GRM8: variants seen among roughly 807,000 people sequenced by gnomAD.
GRM8 encodes the protein metabotropic glutamate receptor 8.
GRM8 carries 47 observed loss-of-function variants against 87.2 expected under a neutral mutation model. That is an observed-to-expected ratio of 0.54 (90% CI 0.43 to 0.69). The LOEUF (loss-of-function observed/expected upper bound fraction) is 0.69, where lower values mean the gene tolerates loss of function less well. Ranked by LOEUF, GRM8 falls within the 30% of genes least tolerant of loss-of-function variation. GRM8 has a pLI of 0.00. For synonymous variants in GRM8, 396 were observed against 404.5 expected (o/e 0.98, Z 0.25); for missense variants, 1,019 against 1,139.2 (o/e 0.89, Z 1.52).
At chr7:127,196,715 G>A (rs1795297871) in intron 2 of GRM8, among the ~76,000 whole-genome samples, 1 of 152,152 alleles carries the variant, frequency 6.6e-6, no homozygotes, top group Non-Finnish European at 1.5e-5. Flanking sequence ...CTTGAGCAAG[G>A]CTGCCTGAGT....
intron 3 of GRM8, among the ~76,000 whole-genome samples, chr7:127,038,999 T>C (rs1818104476): frequency 6.6e-6 from 1 of 152,196 alleles, no homozygotes. Flanking sequence ...CACCCCACAG[T>C]TGTCTCTGAG....
intron 3 of GRM8, among the ~76,000 whole-genome samples, chr7:126,932,708 G>A (rs867624843): frequency 2.0e-5 from 3 of 152,160 alleles, no homozygotes; most frequent in Non-Finnish European, 2.9e-5. Context: ...TTCTTGGAGA[G>A]GTTCAGGTCT....
At chr7:127,181,606 C>T (rs138855911) in intron 2 of GRM8, among the ~76,000 whole-genome samples, 2,533 of 152,092 alleles carry the variant, frequency 0.017, 30 homozygotes, top group Middle Eastern at 0.041. Context: ...TACTATAAGG[C>T]CATAGTCACC....
intron 1 of GRM8, chr7:127,251,330 A>G (rs1177437482): frequency 6.6e-6 from 1 of 152,164 alleles, no homozygotes; most frequent in Non-Finnish European, 1.5e-5. Flanking sequence ...TGTCAGACGA[A>G]GGGAATTTTT....
intron 2 of GRM8, among the ~76,000 whole-genome samples, chr7:127,160,278 C>A (rs1793014741): frequency 6.6e-6 from 1 of 152,144 alleles, no homozygotes. Context: ...GGAGTGGAAA[C>A]CTGCCAACGG....
rs374281754 is a variant in GRM8, at chr7:126,530,035, G to C, written c.2430+2917C>G. Among the ~76,000 whole-genome samples, 32 of 152,206 alleles carry C rather than the reference G, an allele frequency of 2.1e-4. No individual in the cohort carries two copies. In the East Asian group the frequency reaches 2.1e-3, roughly 10 times the overall value. On this transcript the variant is annotated intron_variant, in intron 9 of 10. Transcript: ENST00000339582. ...CAAAATGATTCATTCAAAAACAGAGGACAAAGGAATGTGGGGAAGTTAAAT... is the reference window on the plus strand; with the variant it reads ...CAAAATGATTCATTCAAAAACAGAGCACAAAGGAATGTGGGGAAGTTAAAT...
chr7:126,654,076 T>C (rs1177788478), intron 7 of GRM8, among the ~76,000 whole-genome samples: 1 of 152,200 alleles, frequency 6.6e-6, no homozygotes, highest in Non-Finnish European at 1.5e-5. Context: ...AGAATTCAAG[T>C]GAACTCTCTA....
intron 3 of GRM8, among the ~76,000 whole-genome samples, chr7:127,089,955 A>G (rs1823887665): frequency 6.6e-6 from 1 of 152,204 alleles, no homozygotes; most frequent in Non-Finnish European, 1.5e-5. Flanking sequence ...TAAGGGCTCC[A>G]GGACACAAAC....
At chr7:126,498,085 A>G (rs999963625) in intron 9 of GRM8, among the ~76,000 whole-genome samples, 14 of 152,092 alleles carry the variant, frequency 9.2e-5, no homozygotes, top group African/African-American at 3.4e-4. Context: ...CTCAGACACA[A>G]GTCTCCAAGG....
At chr7:127,216,505 G>A (rs915049100) in intron 2 of GRM8, among the ~76,000 whole-genome samples, 10 of 122,516 alleles carry the variant, frequency 8.2e-5, no homozygotes, top group East Asian at 2.4e-4. Flanking sequence ...GCGACAGAGC[G>A]AGACTCCGTC....
At chr7:126,551,244 C>A (rs183494551) in intron 8 of GRM8, among the ~76,000 whole-genome samples, 15 of 152,204 alleles carry the variant, frequency 9.9e-5, no homozygotes, top group African/African-American at 3.4e-4. Flanking sequence ...ATTTTAAAGG[C>A]TCACGAGAAA....
rs1428257161 is a variant in GRM8, at chr7:126,758,696, C to T, written c.1357+11169G>A. On this transcript the variant is annotated intron_variant, in intron 7 of 10. Transcript: ENST00000339582. ...ATTAAATACCATAAATACATACTTA[C>T]AGATTTTTTAAATTAAAATTGAGTA... 5.3e-5 allele frequency among the ~76,000 whole-genome samples: 8 copies of T among 152,236 alleles called. No homozygotes were observed. In the East Asian group the frequency reaches 9.6e-4, roughly 18 times the overall value.
At chr7:126,663,823 A>C (rs1361128518) in intron 7 of GRM8, among the ~76,000 whole-genome samples, 1 of 152,170 alleles carries the variant, frequency 6.6e-6, no homozygotes, top group Non-Finnish European at 1.5e-5. Flanking sequence ...AATCAAAGGC[A>C]TCCAAATAGG....
intron 7 of GRM8, among the ~76,000 whole-genome samples, chr7:126,650,248 G>A (rs1047646721): frequency 6.6e-6 from 1 of 152,120 alleles, no homozygotes; most frequent in Non-Finnish European, 1.5e-5. Context: ...TGAGGAAATG[G>A]CTCAAATGCC....
intron 2 of GRM8, among the ~76,000 whole-genome samples, chr7:127,188,461 C>T (rs1422112752): frequency 6.6e-6 from 1 of 152,158 alleles, no homozygotes; most frequent in African/African-American, 2.4e-5. Flanking sequence ...ATCTGGAGCA[C>T]TCATCACATA....
In GRM8 at chr7:126,484,376, C is replaced by CA. The variant is rs556142579; in HGVS notation, c.2431-38005dup. 1.5e-4 allele frequency among the ~76,000 whole-genome samples: 22 copies of CA among 151,624 alleles called. No homozygotes were observed. In the East Asian group the frequency reaches 2.6e-3, roughly 18 times the overall value. ...TGAAATGGAATGACATCTAGAAAAG[C>CA]AAAAAAACAACAAGACTGGGATCCC... On this transcript the variant is annotated intron_variant, in intron 9 of 10. Coordinates refer to ENST00000339582, the MANE Select transcript of GRM8 (RefSeq NM_000845.3).
chr7:126,898,194 C>T (rs1218580761), intron 6 of GRM8, among the ~76,000 whole-genome samples: 1 of 152,116 alleles, frequency 6.6e-6, no homozygotes, highest in African/African-American at 2.4e-5. Flanking sequence ...AGTTAAAATG[C>T]AAACTTTTTA....
chr7:127,000,516 C>T (rs1813622311), intron 3 of GRM8, among the ~76,000 whole-genome samples: 1 of 151,656 alleles, frequency 6.6e-6, no homozygotes, highest in Non-Finnish European at 1.5e-5. Context: ...TAAATATATA[C>T]ACTTACTATG....
intron 9 of GRM8, among the ~76,000 whole-genome samples, chr7:126,454,763 T>C (rs1803038185): frequency 6.6e-6 from 1 of 151,596 alleles, no homozygotes; most frequent in Admixed American, 6.6e-5. Context: ...AGAAGGAAAA[T>C]CACGTGATAA....
Sources: allele counts gnomAD v4.1 joint callset (sites outside exome capture counted in the v4.1 genomes callset), GRCh38; gene constraint gnomAD v4.1.1; transcripts MANE v1.5; gene names NCBI Gene and HGNC (gene_info 2026-07-23, HGNC 2026-07-21).